The following ADNP variants were observed in gnomAD, a reference collection of about 807,000 sequenced individuals.
The protein encoded by ADNP is activity-dependent neuroprotector homeobox protein.
ADNP carries 4 observed loss-of-function variants against 84.9 expected under a neutral mutation model. The observed-to-expected ratio is 0.05, with a 90% CI of 0.02 to 0.11. The LOEUF (loss-of-function observed/expected upper bound fraction) is 0.11. Among genes scored for constraint, ADNP ranks in the 10% least tolerant of loss-of-function variants. The probability of loss-of-function intolerance (pLI) is 1.00; values close to 1 mark genes in which losing one functional copy is unlikely to be tolerated. For synonymous variants in ADNP, 554 were observed against 468.1 expected (o/e 1.18, Z -2.37); for missense variants, 1,132 against 1,326.0 (o/e 0.85, Z 2.27).
At chr20:50,914,151 A>G in intron 2 of ADNP, 1 of 772,306 alleles carries the variant, frequency 1.3e-6, no homozygotes, top group Non-Finnish European at 2.3e-6. Context: ...AGGCTACAGC[A>G]AAGCACCAGG....
chr20:50,898,726 T>C (rs1221858816), intron 5 of ADNP, among the ~76,000 whole-genome samples: 1 of 152,156 alleles, frequency 6.6e-6, no homozygotes, highest in Admixed American at 6.5e-5. Flanking sequence ...CAAAATACCA[T>C]GAGATTAAAC....
At position 50,889,728 on chromosome 20, in the gene ADNP, T is replaced by C; in HGVS notation, c.*1677A>G. 2.5e-6 allele frequency: 1 copy of C among 394,914 alleles called. No individual in the cohort carries two copies. The highest frequency in any genetic ancestry group is 2.1e-5 in the African/African-American group (1 of 48,662). The allele number at this position is 394,914 out of a possible 1,614,324, so 24.5% of individuals were successfully genotyped here. Reference sequence around the variant, plus strand: ...CCATCATTGTTTTAATTGCTGGAAATGTTGGCCTAATTCTGCTTCCTTGTA... The same window carrying C: ...CCATCATTGTTTTAATTGCTGGAAACGTTGGCCTAATTCTGCTTCCTTGTA... On this transcript the variant is annotated 3_prime_UTR_variant, in exon 6 of 6. Coordinates refer to ENST00000621696, the MANE Select transcript of ADNP (RefSeq NM_001282531.3).
chr20:50,892,945 G>A lies in ADNP; in HGVS notation c.1769C>T (p.Pro590Leu), dbSNP rs138511538. The change falls in exon 6 of 6, where the codon CCT (proline) becomes CTT (leucine). Residue 590 changes from proline to leucine, a missense_variant. Pro to Leu is a moderately conservative substitution (Grantham distance 98). Transcript: ENST00000621696. ...CTGAACCTTTGGCTGTGGCTTTGGA[G>A]GAACTGGAGGATTATTTTGGGCATG... ...AYHAQNNPPVPPKPQPKVQEK... is the reference protein window; with the variant it reads ...AYHAQNNPPVLPKPQPKVQEK... 1.9e-6 allele frequency: 3 copies of A among 1,614,102 alleles called. No homozygotes were observed. The highest frequency in any genetic ancestry group is 2.2e-5 in the South Asian group (2 of 91,094).
intron 5 of ADNP, 128 bp from the exon 6 acceptor site, chr20:50,894,640 A>G: frequency 9.9e-7 from 1 of 1,014,874 alleles, no homozygotes. Flanking sequence ...CACGCCTGTA[A>G]TCCCAGCACT....
chr20:50,898,887 T>C lies in ADNP; in HGVS notation c.201+3130A>G, dbSNP rs1429973953. 2.6e-5 allele frequency among the ~76,000 whole-genome samples: 4 copies of C among 152,204 alleles called. No individual in the cohort carries two copies. In the East Asian group the frequency reaches 7.7e-4, roughly 29 times the overall value. On this transcript the variant is annotated intron_variant, in intron 5 of 5. Coordinates refer to ENST00000621696, the MANE Select transcript of ADNP (RefSeq NM_001282531.3). ...AATACATAAACTGGCAATACGGTTT[T>C]TAACTGTCATTATCAGGAAGTCATG...
At chr20:50,915,216 A>G (rs542441742) in intron 2 of ADNP, among the ~76,000 whole-genome samples, 1 of 152,264 alleles carries the variant, frequency 6.6e-6, no homozygotes, top group South Asian at 2.1e-4. Flanking sequence ...TCAGCAACAT[A>G]TTTAATACCT....
intron 2 of ADNP, among the ~76,000 whole-genome samples, chr20:50,924,122 AAAAG>A (rs1319268113): frequency 5.9e-5 from 9 of 152,234 alleles, no homozygotes. Context: ...AGGATTCAGA[AAAAG>A]AAAGGGTAAA....
intron 2 of ADNP, among the ~76,000 whole-genome samples, chr20:50,924,209 A>G (rs1177481451): frequency 6.6e-6 from 1 of 152,232 alleles, no homozygotes; most frequent in Non-Finnish European, 1.5e-5. Flanking sequence ...AACTGGGAAA[A>G]GAAAAGGGAA....
intron 5 of ADNP, among the ~76,000 whole-genome samples, chr20:50,895,358 T>G (rs530907144): frequency 6.6e-6 from 1 of 152,314 alleles, no homozygotes; most frequent in Admixed American, 6.5e-5. Flanking sequence ...ATTAACACAA[T>G]GGTAAATATT....
intron 2 of ADNP, chr20:50,914,183 A>G (rs1400349921): frequency 1.3e-6 from 1 of 781,200 alleles, no homozygotes; most frequent in Non-Finnish European, 2.3e-6. Flanking sequence ...GGTAACTTCA[A>G]GATGATTCAT....
In ADNP at chr20:50,908,545, C is replaced by T. The variant is rs150669882; in HGVS notation, c.-89-3696G>A. On this transcript the variant is annotated intron_variant, in intron 2 of 5. Coordinates refer to ENST00000621696, the MANE Select transcript of ADNP (RefSeq NM_001282531.3). Reference sequence around the variant, plus strand: ...ATCCCAGCACTTTGGGAGGCCAAGGCGGGCGAGTCACGAGGTCAGGAGATC... The same window carrying T: ...ATCCCAGCACTTTGGGAGGCCAAGGTGGGCGAGTCACGAGGTCAGGAGATC... Among the ~76,000 whole-genome samples the T allele has an allele frequency of 7.1e-4, 108 of 152,180 alleles. 1 individual carries two copies. The East Asian group carries it at 0.015, about 22-fold the overall frequency.
chr20:50,924,252 A>T (rs1327670939), intron 2 of ADNP, among the ~76,000 whole-genome samples: 2 of 152,248 alleles, frequency 1.3e-5, no homozygotes, highest in African/African-American at 4.8e-5. Context: ...ATTCTTATAC[A>T]GTTAACTTCC....
intron 5 of ADNP, among the ~76,000 whole-genome samples, chr20:50,896,910 C>T (rs1031333844): frequency 6.6e-6 from 1 of 152,070 alleles, no homozygotes; most frequent in South Asian, 2.1e-4. Flanking sequence ...TAATAAAAAC[C>T]TTTTGGTATT....
chr20:50,920,317 A>G (rs1460226516), intron 2 of ADNP, among the ~76,000 whole-genome samples: 1 of 150,754 alleles, frequency 6.6e-6, no homozygotes, highest in Non-Finnish European at 1.5e-5. Flanking sequence ...GCAGTGGCTC[A>G]TGCCTGCAAT....
chr20:50,901,607 C>T (rs538602606), intron 5 of ADNP, among the ~76,000 whole-genome samples: 240 of 152,164 alleles, frequency 1.6e-3, no homozygotes, highest in Non-Finnish European at 8.8e-5. Context: ...GAGTCACTTC[C>T]CCAGGCCTCC....
At chr20:50,919,287 A>ACG (rs776823194) in intron 2 of ADNP, among the ~76,000 whole-genome samples, 2 of 128,064 alleles carry the variant, frequency 1.6e-5, no homozygotes, top group African/African-American at 7.5e-5. Flanking sequence ...ACATATATTT[A>ACG]AGTGTATATA....
chr20:50,918,097 T>C lies in ADNP; in HGVS notation c.-90+10554A>G, dbSNP rs552594324. Among the ~76,000 whole-genome samples the C allele has an allele frequency of 4.6e-5, 7 of 152,242 alleles. 1 individual carries two copies. The highest frequency in any genetic ancestry group is 2.1e-4 in the South Asian group (1 of 4,826). On this transcript the variant is annotated intron_variant, in intron 2 of 5. Transcript: ENST00000621696. ...TTTAACAGGTATAGAGTTTCAGTTC[T>C]GCAAGATTAAAAAAGGCTAAAATGG...
chr20:50,919,287 A>ACATCTATATATATATAT (rs776823194), intron 2 of ADNP, among the ~76,000 whole-genome samples: 1 of 128,064 alleles, frequency 7.8e-6, no homozygotes, highest in Non-Finnish European at 1.5e-5. Context: ...ACATATATTT[A>ACATCTATATATATATAT]AGTGTATATA....
At chr20:50,924,552 G>T (rs1235608248) in intron 2 of ADNP, among the ~76,000 whole-genome samples, 1 of 152,200 alleles carries the variant, frequency 6.6e-6, no homozygotes, top group Non-Finnish European at 1.5e-5. Flanking sequence ...GTAGTGCCTT[G>T]ATTTCCCTAC....
Sources: gnomAD v4.1 joint callset for allele counts (sites outside exome capture counted in the v4.1 genomes callset) on GRCh38, gnomAD v4.1.1 for gene constraint, MANE v1.5 for transcripts, NCBI Gene and HGNC (gene_info 2026-07-23, HGNC 2026-07-21) for gene names.